The following GPC6 variants were observed in gnomAD, a reference collection of about 807,000 sequenced individuals.
GPC6 encodes the protein glypican 6.
A neutral mutation model predicts 55.2 loss-of-function variants in GPC6; 14 were observed. That is an observed-to-expected ratio of 0.25 (90% CI 0.17 to 0.40). The LOEUF (loss-of-function observed/expected upper bound fraction) is 0.40, where lower values mean the gene tolerates loss of function less well. Among genes scored for constraint, GPC6 ranks in the 10% least tolerant of loss-of-function variants. The pLI, the probability that GPC6 is intolerant of heterozygous loss-of-function variation, is 1.00. For synonymous variants in GPC6, 278 were observed against 259.6 expected, an observed-to-expected ratio of 1.07 and a Z score of -0.68; for missense variants, 641 against 708.5, an observed-to-expected ratio of 0.90 and a Z score of 1.08.
intron 4 of GPC6, among the ~76,000 whole-genome samples, chr13:94,225,530 A>C (rs961681075): frequency 6.6e-6 from 1 of 152,090 alleles, no homozygotes; most frequent in Admixed American, 6.6e-5. Context: ...TGGTGCAAAA[A>C]AATTTTGAAA....
intron 3 of GPC6, among the ~76,000 whole-genome samples, chr13:93,946,953 G>T (rs998021322): frequency 6.6e-6 from 1 of 152,260 alleles, no homozygotes; most frequent in East Asian, 1.9e-4. Context: ...TCTTGTGTTA[G>T]CACTCTCTAG....
At chr13:93,784,235 G>A (rs1885751484) in intron 2 of GPC6, among the ~76,000 whole-genome samples, 1 of 152,120 alleles carries the variant, frequency 6.6e-6, no homozygotes, top group Non-Finnish European at 1.5e-5. Context: ...AGGTTGTCTG[G>A]GGTTTGAGAA....
chr13:93,541,854 G>A (rs1472539303), intron 1 of GPC6, among the ~76,000 whole-genome samples: 5 of 151,262 alleles, frequency 3.3e-5, no homozygotes, highest in Admixed American at 2.0e-4. Context: ...CATGTCCTTT[G>A]CCCACTTTTT....
chr13:93,777,810 T>G (rs985400210), intron 2 of GPC6, among the ~76,000 whole-genome samples: 1 of 152,210 alleles, frequency 6.6e-6, no homozygotes, highest in Non-Finnish European at 1.5e-5. Flanking sequence ...TACATCTGTA[T>G]CTGTGTCTAT....
At chr13:94,263,066 T>C (rs1342057220) in intron 4 of GPC6, among the ~76,000 whole-genome samples, 2 of 152,218 alleles carry the variant, frequency 1.3e-5, no homozygotes, top group Non-Finnish European at 2.9e-5. Context: ...TTTGCTTCCT[T>C]CATATGTTGT....
chr13:93,814,398 A>G (rs1886785419), intron 2 of GPC6, among the ~76,000 whole-genome samples: 1 of 152,232 alleles, frequency 6.6e-6, no homozygotes, highest in Admixed American at 6.5e-5. Context: ...AAGGATCACA[A>G]TACCAGCAGT....
At chr13:93,923,078 A>G (rs2140347007) in intron 3 of GPC6, among the ~76,000 whole-genome samples, 1 of 152,328 alleles carries the variant, frequency 6.6e-6, no homozygotes, top group African/African-American at 2.4e-5. Context: ...ACATCATGCT[A>G]AAAGACATGA....
chr13:93,818,551 G>GTA (rs1356478052), intron 2 of GPC6: 2 of 152,152 alleles, frequency 1.3e-5, no homozygotes, highest in African/African-American at 4.8e-5. Context: ...TCTTCCCATG[G>GTA]TATACCCATC....
At chr13:93,443,604 C>T (rs183652869) in intron 1 of GPC6, among the ~76,000 whole-genome samples, 3 of 152,256 alleles carry the variant, frequency 2.0e-5, no homozygotes, top group East Asian at 1.9e-4. Flanking sequence ...GGGAATACAA[C>T]AGCACATAGT....
chr13:93,921,354 T>C (rs1877559408), intron 3 of GPC6, among the ~76,000 whole-genome samples: 1 of 152,158 alleles, frequency 6.6e-6, no homozygotes, highest in Non-Finnish European at 1.5e-5. Context: ...TGCTGACGGC[T>C]TAAGTGTTAA....
chr13:94,236,458 G>A (rs952104174), intron 4 of GPC6, among the ~76,000 whole-genome samples: 4 of 152,038 alleles, frequency 2.6e-5, no homozygotes, highest in Non-Finnish European at 5.9e-5. Context: ...TAAGACTAGG[G>A]GGCTTCCAGG....
intron 1 of GPC6, among the ~76,000 whole-genome samples, chr13:93,284,038 A>G (rs1052419486): frequency 6.6e-6 from 1 of 152,216 alleles, no homozygotes; most frequent in Non-Finnish European, 1.5e-5. Flanking sequence ...CAACACTTGT[A>G]TTGAATGTTG....
At chr13:93,552,387 TGTG>T (rs375094876) in intron 2 of GPC6, among the ~76,000 whole-genome samples, 3 of 152,138 alleles carry the variant, frequency 2.0e-5, no homozygotes, top group African/African-American at 7.2e-5. Flanking sequence ...GTCCTTTAAA[TGTG>T]GTGCATGTAG....
intron 5 of GPC6, among the ~76,000 whole-genome samples, chr13:94,291,839 G>C (rs1764954001): frequency 6.6e-6 from 1 of 152,074 alleles, no homozygotes; most frequent in Non-Finnish European, 1.5e-5. Context: ...AGCTCCAGGT[G>C]AGGCCAGAAG....
chr13:93,989,454 C>G (rs2072275325), intron 3 of GPC6, among the ~76,000 whole-genome samples: 1 of 152,174 alleles, frequency 6.6e-6, no homozygotes, highest in African/African-American at 2.4e-5. Context: ...CATAGAACCT[C>G]AAGAAGAACT....
At chr13:94,375,489 C>G (rs1879804338) in intron 6 of GPC6, among the ~76,000 whole-genome samples, 1 of 151,716 alleles carries the variant, frequency 6.6e-6, no homozygotes, top group Non-Finnish European at 1.5e-5. Flanking sequence ...TCTCCCAAGA[C>G]TAAACCAGGA....
intron 4 of GPC6, among the ~76,000 whole-genome samples, chr13:94,270,947 A>G (rs950866057): frequency 6.9e-6 from 1 of 145,496 alleles, no homozygotes; most frequent in Non-Finnish European, 1.5e-5. Context: ...ATAAAGGACC[A>G]GAGACAGAGA....
intron 1 of GPC6, among the ~76,000 whole-genome samples, chr13:93,310,492 G>A (rs895246804): frequency 3.9e-5 from 6 of 152,132 alleles, no homozygotes; most frequent in Non-Finnish European, 7.3e-5. Context: ...ATGTCGAGTG[G>A]TTGTCATGAA....
At chr13:93,665,279 A>G (rs987442578) in intron 2 of GPC6, among the ~76,000 whole-genome samples, 2 of 152,258 alleles carry the variant, frequency 1.3e-5, no homozygotes, top group Non-Finnish European at 2.9e-5. Context: ...GCCATGCAAA[A>G]TAATTGAACT....
Sources: gnomAD v4.1 joint callset for allele counts (sites outside exome capture counted in the v4.1 genomes callset) on GRCh38, gnomAD v4.1.1 for gene constraint, MANE v1.5 for transcripts, NCBI Gene and HGNC (gene_info 2026-07-23, HGNC 2026-07-21) for gene names.